Variants in MYO1H observed in about 807,000 individuals in gnomAD.
MYO1H encodes unconventional myosin-Ih.
MYO1H carries 118 observed loss-of-function variants against 149.3 expected under a neutral mutation model. The observed-to-expected ratio is 0.79, with a 90% CI of 0.68 to 0.92. The LOEUF (loss-of-function observed/expected upper bound fraction) is 0.92. Among genes scored for constraint, MYO1H ranks in the 40% least tolerant of loss-of-function variants. The probability of loss-of-function intolerance (pLI) is 0.00; values close to 1 mark genes in which losing one functional copy is unlikely to be tolerated. For synonymous variants in MYO1H, 447 were observed against 465.2 expected (o/e 0.96, Z 0.50); for missense variants, 1,212 against 1,280.7 (o/e 0.95, Z 0.82).
At chr12:109,343,540 T>C (rs1368021292), upstream of MYO1H, among the ~76,000 whole-genome samples, 1 of 152,162 alleles carries the variant, frequency 6.6e-6, no homozygotes, top group Admixed American at 6.6e-5. Context: ...ATTTGTAAAT[T>C]TTCTACAGAC....
chr12:109,381,170 G>A (rs946602709), intron 1 of MYO1H, among the ~76,000 whole-genome samples: 1 of 152,092 alleles, frequency 6.6e-6, no homozygotes, highest in African/African-American at 2.4e-5. Context: ...ACAGATTCAA[G>A]GTCTAGGTTG....
intron 1 of MYO1H, among the ~76,000 whole-genome samples, chr12:109,378,435 C>A (rs949777563): frequency 6.6e-6 from 1 of 152,022 alleles, no homozygotes; most frequent in South Asian, 2.1e-4. Flanking sequence ...ATCCTCCCAC[C>A]TCAGCCTCCC....
At chr12:109,335,445 C>T in the MYO1H span, among the ~76,000 whole-genome samples, 6 of 152,106 alleles carry the variant, frequency 3.9e-5, no homozygotes, top group Non-Finnish European at 7.4e-5. Context: ...CCAGGCCCCA[C>T]CCCCAGCATT....
chr12:109,346,872 A>G (rs1300195652), upstream of MYO1H, among the ~76,000 whole-genome samples: 2 of 152,218 alleles, frequency 1.3e-5, no homozygotes, highest in African/African-American at 2.4e-5. Context: ...TAACCAAATC[A>G]AGGATATGTT....
intron 1 of MYO1H, among the ~76,000 whole-genome samples, chr12:109,385,572 C>T (rs1031590406): frequency 7.2e-5 from 11 of 152,186 alleles, no homozygotes; most frequent in African/African-American, 2.2e-4. Flanking sequence ...GGATTACAAA[C>T]ACGAGCCTAC....
At chr12:109,388,756 T>G in exon 2 of MYO1H, 4 of 1,612,460 alleles carry the variant, frequency 2.5e-6, no homozygotes, top group Non-Finnish European at 3.4e-6. Flanking sequence ...AAGGTCGGGG[T>G]TCAGGATTTT....
rs11286105 is a variant in MYO1H, at chr12:109,404,848, C to CTT, written c.849+781_849+782dup. Reference sequence around the variant, plus strand: ...ACAATTTGTTTTTACATCTTTTTGTCTTTTTTTTTTTTTTCATTTTGATTG... The same window carrying CTT: ...ACAATTTGTTTTTACATCTTTTTGTCTTTTTTTTTTTTTTTTCATTTTGATTG... On this transcript the variant is annotated intron_variant, in intron 7 of 31. Transcript: ENST00000310903. 3.9e-4 allele frequency among the ~76,000 whole-genome samples: 54 copies of CTT among 136,828 alleles called. No homozygotes were observed. In the East Asian group the frequency reaches 4.4e-3, roughly 11 times the overall value. 89.8% of individuals were successfully genotyped at this position (136,828 alleles called of 152,430 possible). A position where few individuals can be genotyped will look rare whatever the true frequency, so the allele number is the denominator to read the frequency against.
intron 1 of MYO1H, among the ~76,000 whole-genome samples, chr12:109,349,683 G>C (rs1416129996): frequency 1.3e-5 from 2 of 150,750 alleles, no homozygotes; most frequent in Non-Finnish European, 3.0e-5. Context: ...AAAAGAGGCC[G>C]GGTGCGGTGG....
At position 109,350,451 on chromosome 12, in the gene MYO1H, C is replaced by T. The variant is rs138592561; in HGVS notation, c.12+2479C>T. On this transcript the variant is annotated intron_variant, in intron 1 of 31. Coordinates refer to ENST00000310903, the Ensembl canonical transcript of MYO1H. ...CTGATGGTCTTATAAGGGGAAACCC[C>T]CTTCGCTTGGCTCTCATTCTCTTCT... 6.6e-5 allele frequency among the ~76,000 whole-genome samples: 10 copies of T among 152,256 alleles called. No individual in the cohort carries two copies. In the East Asian group the frequency reaches 9.6e-4, roughly 15 times the overall value.
exon 22 of MYO1H, chr12:109,436,500 A>G: frequency 6.2e-7 from 1 of 1,610,958 alleles, no homozygotes; most frequent in African/African-American, 1.3e-5. Context: ...GCAAGAATCC[A>G]AGCCACTTAC....
chr12:109,435,945 G>A (rs530067981), intron 21 of MYO1H, among the ~76,000 whole-genome samples: 3 of 152,322 alleles, frequency 2.0e-5, no homozygotes, highest in Admixed American at 6.5e-5. Context: ...TAACCAGCTC[G>A]TGGGGAATAG....
At chr12:109,445,536 G>A in exon 31 of MYO1H, 2 of 1,611,018 alleles carry the variant, frequency 1.2e-6, no homozygotes. Context: ...ATTAGTCCGG[G>A]AAAAGAAGGC....
chr12:109,413,920 A>G (rs1360826364), intron 14 of MYO1H, among the ~76,000 whole-genome samples: 1 of 152,010 alleles, frequency 6.6e-6, no homozygotes, highest in Admixed American at 6.6e-5. Context: ...AAAGAGAAAA[A>G]AAAGGACTAC....
intron 1 of MYO1H, among the ~76,000 whole-genome samples, chr12:109,384,568 G>A (rs147040660): frequency 4.9e-4 from 74 of 152,120 alleles, no homozygotes; most frequent in Middle Eastern, 6.8e-3. Context: ...GTTTTCTCAC[G>A]CCCTTTAAAA....
At chr12:109,358,016 C>A (rs1309506752) in intron 1 of MYO1H, among the ~76,000 whole-genome samples, 3 of 150,316 alleles carry the variant, frequency 2.0e-5, no homozygotes, top group Non-Finnish European at 4.4e-5. Flanking sequence ...TGCAGAGCAG[C>A]AAAACTGTTC....
At chr12:109,349,853 C>T (rs932178096) in intron 1 of MYO1H, among the ~76,000 whole-genome samples, 42 of 150,170 alleles carry the variant, frequency 2.8e-4, no homozygotes, top group African/African-American at 9.3e-4. Context: ...CCCAGCTACT[C>T]GGGAGGCTGA....
chr12:109,361,385 G>A (rs1868742951), intron 1 of MYO1H, among the ~76,000 whole-genome samples: 1 of 152,150 alleles, frequency 6.6e-6, no homozygotes, highest in African/African-American at 2.4e-5. Flanking sequence ...ACTCGTTTTT[G>A]AGTCATTTGC....
At chr12:109,330,843 A>G in the MYO1H span, among the ~76,000 whole-genome samples, 2 of 152,004 alleles carry the variant, frequency 1.3e-5, no homozygotes, top group Non-Finnish European at 2.9e-5. Flanking sequence ...CTAACTTTAC[A>G]GTTGTCGTCT....
chr12:109,315,306 G>A, the MYO1H span, among the ~76,000 whole-genome samples: 14 of 152,086 alleles, frequency 9.2e-5, no homozygotes, highest in Admixed American at 3.9e-4. Context: ...TTCTCATATC[G>A]TGCAGGATTA....
Sources: allele counts gnomAD v4.1 joint callset (sites outside exome capture counted in the v4.1 genomes callset), GRCh38; gene constraint gnomAD v4.1.1; transcripts MANE v1.5; gene names NCBI Gene and HGNC (gene_info 2026-07-23, HGNC 2026-07-21).